The following ELN variants were observed in gnomAD, a reference collection of about 807,000 sequenced individuals.
The protein encoded by ELN is elastin, also known as tropoelastin.
Under a neutral mutation model 105.8 loss-of-function variants are expected in ELN, and 65 were observed. The observed-to-expected ratio is 0.61, with a 90% CI of 0.50 to 0.75. The LOEUF is 0.75. Among genes scored for constraint, ELN ranks in the 30% least tolerant of loss-of-function variants. ELN has a pLI of 0.00. For missense variants in ELN, 882 were observed against 969.4 expected, an observed-to-expected ratio of 0.91 and a Z score of 1.20; for synonymous variants, 368 against 389.2, an observed-to-expected ratio of 0.95 and a Z score of 0.64.
In ELN at chr7:74,047,714, A is replaced by G. The variant is rs1471237206; in HGVS notation, c.683A>G (p.Tyr228Cys). ...CCCTACACCACAGGGAAACTGCCCT[A>G]TGGTGAGTGAGACCCTTCTAGACTG... ...GLPYTTGKLP[Y>C]GYGPGGVAGA... The change falls in exon 13 of 33, where the codon TAT becomes TGT. Residue 228 changes from tyrosine (Y) to cysteine (C), a missense_variant and splice_region_variant. Transcript: ENST00000252034. 8.7e-6 allele frequency: 14 copies of G among 1,613,980 alleles called. No homozygotes were observed. The highest frequency in any genetic ancestry group is 1.7e-5 in the Admixed American group (1 of 60,002).
At position 74,063,508 on chromosome 7, in the gene ELN, G is replaced by A; in HGVS notation, c.1919-113G>A. ...GCTCCACTGTGCCATCGAAGGCCAG[G>A]GGAGACCTCAGGCTCCACCTGTGTC... On this transcript the variant is annotated intron_variant, in intron 28 of 32. Coordinates refer to ENST00000252034, the MANE Select transcript of ELN (RefSeq NM_000501.4). This position sits in a 1 kb window ranked among gnomAD's most constrained non-coding sequence, Gnocchi z 4.1. 2 of 1,608,972 alleles carry A rather than the reference G, an allele frequency of 1.2e-6. No individual in the cohort carries two copies. Among genetic ancestry groups the A allele is most frequent in the Non-Finnish European group, 1.7e-6 (2 of 1,177,526 alleles).
rs990765497 is a variant in ELN, at chr7:74,063,813, G to A, written c.1993+118G>A. 1 of 1,425,966 alleles carries A rather than the reference G, an allele frequency of 7.0e-7. No individual in the cohort carries two copies. The highest frequency in any genetic ancestry group is 9.8e-7 in the Non-Finnish European group (1 of 1,021,456). 88.3% of individuals were successfully genotyped at this position (1,425,966 alleles called of 1,614,324 possible). ...CCCCTGGCACGTCTTTGCTCAAGAT[G>A]TCCTCTTGGCCAGGTGCGGTGGCTC... On this transcript the variant is annotated intron_variant, in intron 29 of 32. Coordinates refer to ENST00000252034, the MANE Select transcript of ELN (RefSeq NM_000501.4). The surrounding 1 kb of genome is among the most constrained non-coding windows in gnomAD (Gnocchi z 4.1).
chr7:74,054,470 C>CAA (rs113505500), intron 18 of ELN, among the ~76,000 whole-genome samples: 10 of 89,466 alleles, frequency 1.1e-4, no homozygotes, highest in Non-Finnish European at 2.3e-4. Flanking sequence ...GACTCCATCT[C>CAA]AAAAAAAAAA....
At position 74,061,115 on chromosome 7, in the gene ELN, G is replaced by A; in HGVS notation, c.1762G>A (p.Ala588Thr). Residue 588 changes from alanine to threonine, a missense_variant, in exon 26 of 33, where the codon GCT (alanine) becomes ACT (threonine). Physicochemically the swap from Ala to Thr is moderately conservative, Grantham distance 58. Coordinates refer to ENST00000252034, the MANE Select transcript of ELN (RefSeq NM_000501.4). ...PGFGAVPGAL[A>T]AAKAAKYGAA... ...TTTCTCCCCAGTACCTGGAGCCCTGGCTGCCGCTAAAGCAGCCAAATATGG... is the reference window on the plus strand; with the variant it reads ...TTTCTCCCCAGTACCTGGAGCCCTGACTGCCGCTAAAGCAGCCAAATATGG... 2 of 1,613,858 alleles carry A rather than the reference G, an allele frequency of 1.2e-6. No individual in the cohort carries two copies. Among genetic ancestry groups the A allele is most frequent in the Non-Finnish European group, 1.7e-6 (2 of 1,180,012 alleles).
intron 3 of ELN, among the ~76,000 whole-genome samples, chr7:74,037,350 C>G (rs56289587): frequency 2.0e-5 from 3 of 151,942 alleles, no homozygotes; most frequent in Non-Finnish European, 4.4e-5. Flanking sequence ...CATGCCACCA[C>G]GCCTGGCTAA....
chr7:74,043,414 G>C, intron 8 of ELN: 1 of 716,956 alleles, frequency 1.4e-6, no homozygotes, highest in Admixed American at 2.0e-5. Context: ...GCAGGCTGTC[G>C]GGCGACAGAT....
intron 32 of ELN, among the ~76,000 whole-genome samples, chr7:74,067,737 T>G: frequency 7.0e-6 from 1 of 142,192 alleles, no homozygotes. Flanking sequence ...CACTCCAGCC[T>G]GGGCGGCACA....
chr7:74,058,255 CTTCT>C (rs1247891812), intron 22 of ELN, among the ~76,000 whole-genome samples: 1 of 95,120 alleles, frequency 1.1e-5, no homozygotes, highest in Non-Finnish European at 2.0e-5. Flanking sequence ...CTTCTTTCTT[CTTCT>C]TTCTCCTTCT....
intron 19 of ELN, 49 bp from the exon 20 acceptor site, chr7:74,056,222 A>G: frequency 6.2e-7 from 1 of 1,612,982 alleles, no homozygotes; most frequent in Non-Finnish European, 8.5e-7. Context: ...GAGCCCGCCC[A>G]GCCTCTCTCA....
At chr7:74,068,468 G>A (rs1554690455) in intron 32 of ELN, among the ~76,000 whole-genome samples, 189 bp from the exon 33 acceptor site, 1 of 152,206 alleles carries the variant, frequency 6.6e-6, no homozygotes, top group African/African-American at 2.4e-5. Flanking sequence ...AATATCTTGG[G>A]GGCTTCTCCC....
chr7:74,049,025 A>T (rs1419056363), intron 15 of ELN, among the ~76,000 whole-genome samples: 5 of 150,688 alleles, frequency 3.3e-5, no homozygotes, highest in Non-Finnish European at 4.4e-5. Flanking sequence ...CCATCCACTC[A>T]TTCATCCATC....
At chr7:74,066,659 G>A in intron 31 of ELN, 73 bp from the exon 32 acceptor site, 1 of 1,500,056 alleles carries the variant, frequency 6.7e-7, no homozygotes, top group Non-Finnish European at 9.3e-7. Flanking sequence ...GTGAGCCAGT[G>A]CAGGCAGAAA....
rs1798555282 is a variant in ELN, at chr7:74,068,869, A to T, written c.*169A>T. 1 of 799,654 alleles carries T rather than the reference A, an allele frequency of 1.3e-6. No homozygotes were observed. The highest frequency in any genetic ancestry group is 2.1e-6 in the Non-Finnish European group (1 of 478,956). 49.5% of individuals were successfully genotyped at this position (799,654 alleles called of 1,614,324 possible). A position where few individuals can be genotyped will look rare whatever the true frequency, so the allele number is the denominator to read the frequency against. On this transcript the variant is annotated 3_prime_UTR_variant, in exon 33 of 33. Transcript: ENST00000252034. ...CCACAGGGCAAGGAAACAAGAGGGGAGCGGCCAAGTGCCCCGACCAGGAGG... is the reference window on the plus strand; with the variant it reads ...CCACAGGGCAAGGAAACAAGAGGGGTGCGGCCAAGTGCCCCGACCAGGAGG...
chr7:74,057,580 A>G (rs577578450), intron 21 of ELN, 60 bp from the exon 22 acceptor site: 93 of 1,610,170 alleles, frequency 5.8e-5, no homozygotes, highest in Non-Finnish European at 7.8e-5. Context: ...GAGCCTAGAG[A>G]TGGGAAGCAG....
rs1311983897 is a variant in ELN, at chr7:74,069,368, A to T, written c.*668A>T. On this transcript the variant is annotated 3_prime_UTR_variant, in exon 33 of 33. Coordinates refer to ENST00000252034, the MANE Select transcript of ELN (RefSeq NM_000501.4). ...CGTCCATTCATCCATCGGTCCGTCC[A>T]TCCATGTCCCCAGTTGACCGCCCGG... The T allele has an allele frequency of 4.2e-6, 1 of 236,038 alleles. No individual in the cohort carries two copies. Among genetic ancestry groups the T allele is most frequent in the African/African-American group, 2.2e-5 (1 of 45,348 alleles). 14.6% of individuals were successfully genotyped at this position (236,038 alleles called of 1,614,324 possible). A position where few individuals can be genotyped will look rare whatever the true frequency, so the allele number is the denominator to read the frequency against.
intron 4 of ELN, among the ~76,000 whole-genome samples, chr7:74,040,734 T>A (rs1791016524): frequency 6.6e-6 from 1 of 151,944 alleles, no homozygotes; most frequent in Non-Finnish European, 1.5e-5. Context: ...CTCATAAACA[T>A]CTTAGTAGGA....
intron 1 of ELN, among the ~76,000 whole-genome samples, chr7:74,031,615 CTA>C (rs1788664704): frequency 1.3e-5 from 2 of 151,840 alleles, no homozygotes; most frequent in African/African-American, 4.8e-5. Flanking sequence ...TGAGTTAAAC[CTA>C]AAGAGAAAAG....
chr7:74,029,452 G>T (rs137889859), intron 1 of ELN, among the ~76,000 whole-genome samples: 10 of 152,284 alleles, frequency 6.6e-5, no homozygotes, highest in African/African-American at 2.4e-4. Flanking sequence ...ATGGGAAAAA[G>T]GAGGGCATTT....
intron 32 of ELN, among the ~76,000 whole-genome samples, chr7:74,067,483 G>A (rs1397462309): frequency 6.6e-6 from 1 of 151,434 alleles, no homozygotes; most frequent in Non-Finnish European, 1.5e-5. Context: ...GGCCAGGCTG[G>A]TCTCGAACTC....
Sources: gnomAD v4.1 joint callset for allele counts (sites outside exome capture counted in the v4.1 genomes callset) on GRCh38, gnomAD v4.1.1 for gene constraint, Gnocchi (gnomAD v3.1) non-coding constraint, MANE v1.5 for transcripts, NCBI Gene and HGNC (gene_info 2026-07-23, HGNC 2026-07-21) for gene names.